TYW1: variants seen among roughly 807,000 people sequenced by gnomAD.
The protein encoded by TYW1 is tRNA-yW synthesizing protein 1 homolog.
A neutral mutation model predicts 96.2 loss-of-function variants in TYW1; 46 were observed. The ratio of observed to expected loss-of-function variants is 0.48; its 90% CI spans 0.38 to 0.61. The LOEUF (loss-of-function observed/expected upper bound fraction) is 0.61. Among genes scored for constraint, TYW1 ranks in the 20% least tolerant of loss-of-function variants. TYW1 has a pLI of 0.00. For synonymous variants in TYW1, 274 were observed against 323.0 expected (o/e 0.85, Z 1.63); for missense variants, 684 against 909.6 (o/e 0.75, Z 3.19).
chr7:67,195,507 T>C (rs957574331), intron 15 of TYW1, among the ~76,000 whole-genome samples, 170 bp downstream of exon 15: 8 of 152,174 alleles, frequency 5.3e-5, no homozygotes, highest in Non-Finnish European at 1.2e-4. Context: ...GCTCATAAAC[T>C]CTTTTCCATG....
chr7:67,035,979 T>C (rs1794830209), intron 7 of TYW1, among the ~76,000 whole-genome samples: 1 of 150,256 alleles, frequency 6.7e-6, no homozygotes, highest in African/African-American at 2.4e-5. Flanking sequence ...GCCCGGCCGG[T>C]TCTATTGTTC....
chr7:67,162,657 GGATA>G (rs1799197320), intron 13 of TYW1, among the ~76,000 whole-genome samples: 1 of 152,144 alleles, frequency 6.6e-6, no homozygotes, highest in South Asian at 2.1e-4. Flanking sequence ...CAGGAGTGAT[GGATA>G]GATTTTGTGT....
At chr7:67,110,072 C>A (rs1386336648) in intron 12 of TYW1, among the ~76,000 whole-genome samples, 1 of 152,138 alleles carries the variant, frequency 6.6e-6, no homozygotes, top group Non-Finnish European at 1.5e-5. Flanking sequence ...TGAAGTGACT[C>A]AAGTTTGTCT....
intron 10 of TYW1, among the ~76,000 whole-genome samples, chr7:67,074,012 G>A (rs1428321035): frequency 6.7e-6 from 1 of 150,062 alleles, no homozygotes; most frequent in African/African-American, 2.5e-5. Flanking sequence ...AACCCAGGAG[G>A]TGGAGCTTGC....
chr7:67,125,165 T>A (rs1477784536), intron 13 of TYW1, among the ~76,000 whole-genome samples: 1 of 152,210 alleles, frequency 6.6e-6, no homozygotes, highest in Non-Finnish European at 1.5e-5. Flanking sequence ...TAATATTGCT[T>A]GATAAACAGA....
At chr7:67,015,392 A>C (rs1035203348) in intron 5 of TYW1, among the ~76,000 whole-genome samples, 3 of 152,122 alleles carry the variant, frequency 2.0e-5, no homozygotes, top group Admixed American at 2.0e-4. Flanking sequence ...TTGCTTTGTC[A>C]TCCAGGCTGG....
intron 12 of TYW1, among the ~76,000 whole-genome samples, chr7:67,102,227 A>T (rs1797106283): frequency 1.3e-5 from 2 of 152,222 alleles, no homozygotes; most frequent in South Asian, 4.1e-4. Flanking sequence ...GAATGCCATC[A>T]TGGATTGAGG....
At chr7:67,145,611 C>T (rs569705255) in intron 13 of TYW1, among the ~76,000 whole-genome samples, 2 of 152,296 alleles carry the variant, frequency 1.3e-5, no homozygotes, top group African/African-American at 4.8e-5. Flanking sequence ...CATCTTAGAT[C>T]AGCCAGTGAT....
chr7:67,160,878 C>T (rs1303254975), intron 13 of TYW1, among the ~76,000 whole-genome samples: 1 of 151,948 alleles, frequency 6.6e-6, no homozygotes, highest in Non-Finnish European at 1.5e-5. Flanking sequence ...AGGCGTGATC[C>T]ACTGTGCCCG....
chr7:67,174,306 T>A (rs971602641), intron 13 of TYW1, among the ~76,000 whole-genome samples: 2 of 152,020 alleles, frequency 1.3e-5, no homozygotes, highest in African/African-American at 4.8e-5. Flanking sequence ...AAAAACATTT[T>A]ATGAAATTTT....
At chr7:67,167,938 A>G (rs1342683328) in intron 13 of TYW1, among the ~76,000 whole-genome samples, 2 of 151,582 alleles carry the variant, frequency 1.3e-5, no homozygotes, top group Non-Finnish European at 3.0e-5. Context: ...TATTTTTAGT[A>G]GAGACGGGCT....
intron 15 of TYW1, among the ~76,000 whole-genome samples, chr7:67,206,916 T>C (rs1800819700): frequency 6.6e-6 from 1 of 152,224 alleles, no homozygotes; most frequent in African/African-American, 2.4e-5. Context: ...GGATTTGTAA[T>C]GGCCTTCACA....
At position 67,025,298 on chromosome 7, in the gene TYW1, C is replaced by T. The variant is rs561017110; in HGVS notation, c.984+276C>T. Among the ~76,000 whole-genome samples, 10 of 151,892 alleles carry T rather than the reference C, an allele frequency of 6.6e-5. No individual in the cohort carries two copies. In the South Asian group the frequency reaches 2.1e-3, roughly 32 times the overall value. On this transcript the variant is annotated intron_variant, in intron 7 of 15. Coordinates refer to ENST00000359626, the MANE Select transcript of TYW1 (RefSeq NM_018264.4). ...TGGGGGTGTCCAATCTTTTGGCTTT[C>T]CTGGGCCACATTGGTAGAAAAAATG... is the stretch of plus-strand genomic sequence containing the variant.
At chr7:66,998,606 C>T (rs1418832421) in intron 2 of TYW1, among the ~76,000 whole-genome samples, 1 of 152,018 alleles carries the variant, frequency 6.6e-6, no homozygotes, top group East Asian at 1.9e-4. Flanking sequence ...AAATCATGAG[C>T]CTTAAAAATG....
intron 15 of TYW1, among the ~76,000 whole-genome samples, chr7:67,202,628 C>T (rs1420190087): frequency 6.6e-6 from 1 of 152,110 alleles, no homozygotes; most frequent in Admixed American, 6.5e-5. Context: ...AACTCCTGGG[C>T]TCGAGCAGCC....
At chr7:67,029,281 G>A (rs536117332) in intron 7 of TYW1, among the ~76,000 whole-genome samples, 8 of 151,416 alleles carry the variant, frequency 5.3e-5, no homozygotes, top group African/African-American at 1.7e-4. Flanking sequence ...TACCGCGCCC[G>A]GCTGGCTGAT....
chr7:67,100,572 C>T (rs946302173), intron 12 of TYW1, among the ~76,000 whole-genome samples: 1 of 151,882 alleles, frequency 6.6e-6, no homozygotes, highest in Non-Finnish European at 1.5e-5. Context: ...AGGGGCAGGG[C>T]GTGGTGACTC....
At chr7:67,043,147 C>T (rs1028538463) in intron 7 of TYW1, among the ~76,000 whole-genome samples, 19 of 152,026 alleles carry the variant, frequency 1.2e-4, no homozygotes, top group African/African-American at 4.6e-4. Context: ...GCAATTTGTC[C>T]ATCGTCAGTT....
chr7:67,239,173 C>T lies in TYW1; in HGVS notation c.*644C>T, dbSNP rs376428737. 2.8e-5 allele frequency: 28 copies of T among 985,594 alleles called. No individual in the cohort carries two copies. The highest frequency in any genetic ancestry group is 3.5e-5 in the African/African-American group (2 of 57,200). The allele number at this position is 985,594 out of a possible 1,614,324, so 61.1% of individuals were successfully genotyped here. A position where few individuals can be genotyped will look rare whatever the true frequency, so the allele number is the denominator to read the frequency against. On this transcript the variant is annotated 3_prime_UTR_variant, in exon 16 of 16. Coordinates refer to ENST00000359626, the MANE Select transcript of TYW1 (RefSeq NM_018264.4). ...CATTCCCATGTAAATTACCACAGACCGCAGTACCGGGGCTGGAGCGGAGTG... is the reference window on the plus strand; with the variant it reads ...CATTCCCATGTAAATTACCACAGACTGCAGTACCGGGGCTGGAGCGGAGTG...
Sources: allele counts gnomAD v4.1 joint callset (sites outside exome capture counted in the v4.1 genomes callset), GRCh38; gene constraint gnomAD v4.1.1; transcripts MANE v1.5; gene names NCBI Gene and HGNC (gene_info 2026-07-23, HGNC 2026-07-21).